The following POLE4 variants were observed in gnomAD, a reference collection of about 807,000 sequenced individuals.
POLE4 encodes DNA polymerase epsilon subunit 4.
A neutral mutation model predicts 15.6 loss-of-function variants in POLE4; 15 were observed. The ratio of observed to expected loss-of-function variants is 0.96; its 90% CI spans 0.64 to 1.48. The LOEUF (loss-of-function observed/expected upper bound fraction) is 1.48, where lower values mean the gene tolerates loss of function less well. Among genes scored for constraint, POLE4 ranks in the 40% most tolerant of loss-of-function variants. The pLI, the probability that POLE4 is intolerant of heterozygous loss-of-function variation, is 0.00. For synonymous variants in POLE4, 83 were observed against 63.2 expected, an observed-to-expected ratio of 1.31 and a Z score of -1.49; for missense variants, 205 against 151.9, an observed-to-expected ratio of 1.35 and a Z score of -1.84.
At chr2:74,960,381 A>G (rs1449595340) in intron 3 of POLE4, 4 of 581,410 alleles carry the variant, frequency 6.9e-6, no homozygotes, top group Non-Finnish European at 1.2e-5. Flanking sequence ...GAGGGAATAT[A>G]AAGATCCCAG....
Position 74,960,108 on chromosome 2 carries a change from A to C in POLE4, c.302A>C (p.Asn101Thr). 6.2e-7 allele frequency: 1 copy of C among 1,613,714 alleles called. No individual in the cohort carries two copies. Among genetic ancestry groups the C allele is most frequent in the Non-Finnish European group, 8.5e-7 (1 of 1,179,668 alleles). ...RKTLQRRDLD[N>T]AIEAVDEFAF... is the part of the protein sequence containing the mutation. ...GTCTCTTTTCCTTGTGTTTCAGATA[A>C]TGCAATAGAAGCTGTGGATGAATTT... The change falls in exon 3 of 4, where the codon AAT (asparagine) becomes ACT (threonine). Residue 101 changes from asparagine to threonine, a missense_variant. Physicochemically the swap from Asn to Thr is moderately conservative, Grantham distance 65 (BLOSUM62 0). Coordinates refer to ENST00000483063, the MANE Select transcript of POLE4 (RefSeq NM_019896.4).
intron 3 of POLE4, among the ~76,000 whole-genome samples, chr2:74,964,108 A>G (rs1485010730): frequency 6.6e-6 from 1 of 152,144 alleles, no homozygotes; most frequent in Non-Finnish European, 1.5e-5. Context: ...GCTTGTCCAT[A>G]TCGTCATCTC....
chr2:74,963,547 A>G (rs538999037), intron 3 of POLE4, among the ~76,000 whole-genome samples: 8 of 151,918 alleles, frequency 5.3e-5, no homozygotes, highest in Non-Finnish European at 1.2e-4. Context: ...TTTGTCATCC[A>G]GGCTGGAATG....
intron 3 of POLE4, among the ~76,000 whole-genome samples, chr2:74,966,512 A>G (rs988876344): frequency 1.3e-5 from 2 of 152,018 alleles, no homozygotes; most frequent in Non-Finnish European, 2.9e-5. Flanking sequence ...AGTGATTCTC[A>G]TGTCTCAGCC....
chr2:74,960,614 A>G (rs757333987), intron 3 of POLE4: 19 of 491,252 alleles, frequency 3.9e-5, no homozygotes, highest in Admixed American at 3.4e-4. Context: ...CTTGTGTACT[A>G]ACTAAATTTT....
Position 74,958,770 on chromosome 2 carries a change from A to G in POLE4, c.91A>G (p.Thr31Ala), listed in dbSNP as rs574164873. The change falls in exon 1 of 4, where the codon ACG becomes GCG. Residue 31 changes from threonine (T) to alanine (A), a missense_variant. Physicochemically the swap from Thr to Ala is moderately conservative, Grantham distance 58. Transcript: ENST00000483063. ...EAAASQPQAP[T>A]SVPGARLSRL... is the part of the protein sequence containing the mutation. ...AGCGGCCTCGCAGCCCCAGGCCCCA[A>G]CGAGTGTGCCTGGGGCTCGTCTCTC... 111 of 1,545,976 alleles carry G rather than the reference A, an allele frequency of 7.2e-5. 1 individual carries two copies. In the Admixed American group the frequency reaches 2.1e-3, roughly 29 times the overall value.
At chr2:74,964,170 C>G (rs969509361) in intron 3 of POLE4, among the ~76,000 whole-genome samples, 4 of 152,200 alleles carry the variant, frequency 2.6e-5, no homozygotes, top group African/African-American at 9.6e-5. Flanking sequence ...TCTGGCCTTT[C>G]TGTTCTCTTC....
chr2:74,960,021 G>A (rs1671192599), intron 2 of POLE4, 84 bp from the exon 3 acceptor site: 1 of 1,133,628 alleles, frequency 8.8e-7, no homozygotes, highest in Admixed American at 1.8e-5. Flanking sequence ...AAAGCCTCAT[G>A]CCCTTCACTG....
At chr2:74,960,433 G>A (rs1189324582) in intron 3 of POLE4, among the ~76,000 whole-genome samples, 1 of 152,054 alleles carries the variant, frequency 6.6e-6, no homozygotes, top group South Asian at 2.1e-4. Flanking sequence ...TACTTTGATC[G>A]CCATCCCTAA....
At chr2:74,960,244 G>T (rs1671196401) in intron 3 of POLE4, 98 bp downstream of exon 3, 1 of 1,031,948 alleles carries the variant, frequency 9.7e-7, no homozygotes, top group East Asian at 2.4e-5. Flanking sequence ...TCTTGTTTGT[G>T]TAGGGATAAT....
At chr2:74,966,835 A>T (rs1272931636) in intron 3 of POLE4, among the ~76,000 whole-genome samples, 2 of 151,752 alleles carry the variant, frequency 1.3e-5, no homozygotes, top group Non-Finnish European at 2.9e-5. Flanking sequence ...CTTGAATTTC[A>T]TTGTTGGAGG....
At chr2:74,958,959 TC>T in intron 1 of POLE4, 67 bp downstream of exon 1, 1 of 1,430,604 alleles carries the variant, frequency 7.0e-7, no homozygotes, top group East Asian at 2.6e-5. Flanking sequence ...CCTCGGGGCC[TC>T]CCGCGGGCGG....
In POLE4 at chr2:74,958,893, G is replaced by A. The variant is rs1490466649; in HGVS notation, c.213+1G>A. ...CATCTTCATTCTGGCACGAGCCGCGGTGCGCCTGCAGCGCGAGGGCATGCG... is the reference window on the plus strand; with the variant it reads ...CATCTTCATTCTGGCACGAGCCGCGATGCGCCTGCAGCGCGAGGGCATGCG... On this transcript the variant is annotated splice_donor_variant, in intron 1 of 3. Transcript: ENST00000483063. LOFTEE classifies it high-confidence loss of function. 1 of 1,553,748 alleles carries A rather than the reference G, an allele frequency of 6.4e-7. No homozygotes were observed. The highest frequency in any genetic ancestry group is 2.4e-5 in the East Asian group (1 of 41,046).
Position 74,969,422 on chromosome 2 carries a change from AT to A in POLE4, c.*2del, listed in dbSNP as rs1671339259. 6.2e-7 allele frequency: 1 copy of A among 1,613,718 alleles called. No individual in the cohort carries two copies. The highest frequency in any genetic ancestry group is 1.7e-5 in the Admixed American group (1 of 59,984). Reference sequence around the variant, plus strand: ...TTGTATGTTTAGGTACTTTAGATTGATTGCCGAGCGGGGCAGTTTTGTGAGC... The same window carrying A: ...TTGTATGTTTAGGTACTTTAGATTGATGCCGAGCGGGGCAGTTTTGTGAGC... On this transcript the variant is annotated 3_prime_UTR_variant, in exon 4 of 4. Transcript: ENST00000483063.
chr2:74,959,610 C>T (rs973541155), intron 2 of POLE4, 185 bp downstream of exon 2: 6 of 560,032 alleles, frequency 1.1e-5, no homozygotes, highest in African/African-American at 7.6e-5. Flanking sequence ...GGTGGCGGGG[C>T]AGTGTGTGAA....
At chr2:74,967,736 G>A (rs1671316548) in intron 3 of POLE4, among the ~76,000 whole-genome samples, 1 of 152,158 alleles carries the variant, frequency 6.6e-6, no homozygotes, top group African/African-American at 2.4e-5. Context: ...GATAAGTTGA[G>A]GCCATATGGT....
intron 2 of POLE4, chr2:74,959,847 TAG>T (rs1342731272): frequency 1.0e-5 from 5 of 495,824 alleles, no homozygotes; most frequent in Non-Finnish European, 1.8e-5. Flanking sequence ...ATAAATAATT[TAG>T]GGGTAATTTA....
chr2:74,959,020 A>T, intron 1 of POLE4, 128 bp downstream of exon 1: 1 of 847,924 alleles, frequency 1.2e-6, no homozygotes, highest in South Asian at 1.8e-5. Flanking sequence ...TGGACCCGGA[A>T]GGCGGAGGAA....
intron 3 of POLE4, 121 bp from the exon 4 acceptor site, chr2:74,969,288 T>A: frequency 1.2e-6 from 1 of 858,912 alleles, no homozygotes; most frequent in South Asian, 1.3e-5. Context: ...AAAATTAGTA[T>A]TTTGGTCTTA....
Sources: allele counts gnomAD v4.1 joint callset (sites outside exome capture counted in the v4.1 genomes callset), GRCh38; gene constraint gnomAD v4.1.1; transcripts MANE v1.5; gene names NCBI Gene and HGNC (gene_info 2026-07-23, HGNC 2026-07-21).